Variants in CLASP1 observed in about 807,000 individuals in gnomAD.
CLASP1 encodes cytoplasmic linker associated protein 1, also known as CLIP-associating protein 1.
A neutral mutation model predicts 192.3 loss-of-function variants in CLASP1; 38 were observed. The observed-to-expected ratio is 0.20, with a 90% CI of 0.15 to 0.26. The LOEUF (loss-of-function observed/expected upper bound fraction) is 0.26, where lower values mean the gene tolerates loss of function less well. CLASP1 is among the 10% of genes least tolerant of loss of function. The pLI, the probability that CLASP1 is intolerant of heterozygous loss-of-function variation, is 1.00. For missense variants in CLASP1, 1,433 were observed against 1,932.5 expected, an observed-to-expected ratio of 0.74 and a Z score of 4.85; for synonymous variants, 691 against 712.8, an observed-to-expected ratio of 0.97 and a Z score of 0.49.
intron 2 of CLASP1, among the ~76,000 whole-genome samples, chr2:121,576,320 G>C (rs1040290301): frequency 6.6e-6 from 1 of 152,200 alleles, no homozygotes; most frequent in Admixed American, 6.5e-5. Flanking sequence ...ATGGATGCAG[G>C]AATGCCCAGC....
chr2:121,403,837 G>A (rs1307581159), intron 26 of CLASP1: 1 of 459,550 alleles, frequency 2.2e-6, no homozygotes. Flanking sequence ...AGGAGGTGTG[G>A]GCACCAGCTA....
intron 30 of CLASP1, among the ~76,000 whole-genome samples, chr2:121,396,260 T>A (rs75698811): frequency 0.029 from 4,430 of 152,086 alleles, 219 homozygotes; most frequent in African/African-American, 0.1. Context: ...AAAGGAGAAT[T>A]AGTGGGGCAG....
chr2:121,553,011 T>TA (rs2058183961), intron 2 of CLASP1, among the ~76,000 whole-genome samples: 1 of 152,214 alleles, frequency 6.6e-6, no homozygotes, highest in Non-Finnish European at 1.5e-5. Context: ...TATGCAGCCA[T>TA]AAAAAGGAAT....
chr2:121,534,641 G>T (rs2094995942), intron 2 of CLASP1, among the ~76,000 whole-genome samples: 1 of 148,072 alleles, frequency 6.8e-6, no homozygotes, highest in Non-Finnish European at 1.5e-5. Flanking sequence ...GGGTTCAAGA[G>T]ATTCTCGTGC....
At position 121,503,240 on chromosome 2, in the gene CLASP1, T is replaced by G; in HGVS notation, c.645-6A>C. On this transcript the variant is annotated splice_region_variant and splice_polypyrimidine_tract_variant and intron_variant, in intron 7 of 39. Transcript: ENST00000263710. ...TTGTAAAAATTACATTCAACCTGTA[T>G]GAAAGAAAAATGTAAACAAACTATT... 1 of 1,489,432 alleles carries G rather than the reference T, an allele frequency of 6.7e-7. No homozygotes were observed. The highest frequency in any genetic ancestry group is 9.2e-7 in the Non-Finnish European group (1 of 1,090,766). 92.3% of individuals were successfully genotyped at this position (1,489,432 alleles called of 1,614,324 possible). A position where few individuals can be genotyped will look rare whatever the true frequency, so the allele number is the denominator to read the frequency against.
intron 37 of CLASP1, among the ~76,000 whole-genome samples, chr2:121,359,084 T>A (rs745426501): frequency 3.3e-5 from 5 of 152,256 alleles, no homozygotes; most frequent in Non-Finnish European, 5.9e-5. Flanking sequence ...ATGGGTACTA[T>A]ATGCACATCA....
At chr2:121,572,990 C>T (rs1347691459) in intron 2 of CLASP1, among the ~76,000 whole-genome samples, 2 of 152,168 alleles carry the variant, frequency 1.3e-5, no homozygotes, top group South Asian at 2.1e-4. Flanking sequence ...GATGGAGTCT[C>T]GTCCTGTCGC....
intron 34 of CLASP1, among the ~76,000 whole-genome samples, chr2:121,370,147 A>G (rs578049302): frequency 6.6e-6 from 1 of 152,312 alleles, no homozygotes; most frequent in Non-Finnish European, 1.5e-5. Flanking sequence ...TGCATCTGAC[A>G]TTCATCCTAT....
intron 14 of CLASP1, among the ~76,000 whole-genome samples, chr2:121,455,966 T>C (rs895514896): frequency 6.6e-6 from 1 of 151,884 alleles, no homozygotes; most frequent in Non-Finnish European, 1.5e-5. Flanking sequence ...AAATGTCAGG[T>C]AGATAGGAGT....
At chr2:121,448,922 C>T in intron 17 of CLASP1, 31 bp downstream of exon 17, 1 of 1,595,188 alleles carries the variant, frequency 6.3e-7, no homozygotes, top group South Asian at 1.1e-5. Flanking sequence ...CAAATTCTCA[C>T]ATGAATGATA....
chr2:121,467,761 T>C (rs1052094196), intron 9 of CLASP1, among the ~76,000 whole-genome samples: 3 of 152,226 alleles, frequency 2.0e-5, no homozygotes, highest in Admixed American at 2.0e-4. Flanking sequence ...TTCTCTCTGA[T>C]GACAGTTTAT....
rs1201544631 is a variant in CLASP1, at chr2:121,581,566, G to A, written c.195+24135C>T. Among the ~76,000 whole-genome samples, 21 of 152,186 alleles carry A rather than the reference G, an allele frequency of 1.4e-4. No homozygotes were observed. In the East Asian group the frequency reaches 2.9e-3, roughly 21 times the overall value. ...TGGGATTACAGGCATGAGCCACCGC[G>A]CCCGGCCCCTTTTGTTCTTAAGTAA... On this transcript the variant is annotated intron_variant, in intron 2 of 39. Transcript: ENST00000263710.
At chr2:121,498,336 C>G (rs147339436) in intron 8 of CLASP1, among the ~76,000 whole-genome samples, 2 of 151,856 alleles carry the variant, frequency 1.3e-5, no homozygotes, top group Non-Finnish European at 2.9e-5. Flanking sequence ...ACCACCCCCC[C>G]AGCTGGGACT....
intron 7 of CLASP1, among the ~76,000 whole-genome samples, chr2:121,514,514 A>C (rs2150342005): frequency 6.6e-6 from 1 of 152,258 alleles, no homozygotes; most frequent in African/African-American, 2.4e-5. Context: ...TTAAAAAAAA[A>C]AAACAAAACA....
intron 2 of CLASP1, among the ~76,000 whole-genome samples, chr2:121,576,190 A>T (rs35867219): frequency 0.2 from 30,604 of 151,484 alleles, 5,751 homozygotes; most frequent in African/African-American, 0.5. Flanking sequence ...TACAGGTAAA[A>T]TTTTTTTTTT....
At chr2:121,619,736 A>G (rs1214415984) in intron 1 of CLASP1, among the ~76,000 whole-genome samples, 1 of 152,224 alleles carries the variant, frequency 6.6e-6, no homozygotes, top group East Asian at 1.9e-4. Context: ...TAAAAGTAGA[A>G]CATAGTTTTC....
At chr2:121,591,611 G>A (rs1012873963) in intron 2 of CLASP1, among the ~76,000 whole-genome samples, 7 of 152,150 alleles carry the variant, frequency 4.6e-5, no homozygotes, top group African/African-American at 1.7e-4. Flanking sequence ...CCTAGGAAAC[G>A]TGCTCAGCCT....
chr2:121,641,389 A>G (rs1253341419), intron 1 of CLASP1, among the ~76,000 whole-genome samples: 1 of 152,122 alleles, frequency 6.6e-6, no homozygotes, highest in Non-Finnish European at 1.5e-5. Context: ...ATTACTAAAT[A>G]TTTTACACAG....
intron 22 of CLASP1, among the ~76,000 whole-genome samples, chr2:121,419,148 G>C (rs191158392): frequency 6.6e-6 from 1 of 152,236 alleles, no homozygotes; most frequent in East Asian, 1.9e-4. Context: ...TCTTAGAAAG[G>C]TAATTTAATT....
Sources: allele counts gnomAD v4.1 joint callset (sites outside exome capture counted in the v4.1 genomes callset), GRCh38; gene constraint gnomAD v4.1.1; transcripts MANE v1.5; gene names NCBI Gene and HGNC (gene_info 2026-07-23, HGNC 2026-07-21).